The following MEI1 variants were observed in gnomAD, a reference collection of about 807,000 sequenced individuals.
MEI1 encodes meiosis inhibitor protein 1.
MEI1 carries 103 observed loss-of-function variants against 146.2 expected under a neutral mutation model. That is an observed-to-expected ratio of 0.70 (90% confidence interval 0.60 to 0.83). The LOEUF is 0.83. MEI1 is among the 40% of genes least tolerant of loss of function. The pLI is 0.00. For missense variants in MEI1, 1,529 were observed against 1,533.0 expected, an observed-to-expected ratio of 1.00 and a Z score of 0.04; for synonymous variants, 652 against 628.2, an observed-to-expected ratio of 1.04 and a Z score of -0.57.
intron 11 of MEI1, among the ~76,000 whole-genome samples, chr22:41,741,609 A>G (rs2072873962): frequency 6.6e-6 from 1 of 152,244 alleles, no homozygotes; most frequent in Non-Finnish European, 1.5e-5. Flanking sequence ...CTCTGCGTAT[A>G]GTCTCATAGA....
Position 41,745,042 on chromosome 22 carries a change from G to T in MEI1, c.1516G>T (p.Glu506Ter). ...QRGKFLLSTL[E>*]GFRSACRLAI... Reference sequence around the variant, plus strand: ...GGGAAAGTTCCTCCTCAGCACTCTGGAGGGATTTAGAAGTGCCTGCAGGTG... The same window carrying T: ...GGGAAAGTTCCTCCTCAGCACTCTGTAGGGATTTAGAAGTGCCTGCAGGTG... Residue 506 changes from glutamate (E) to a stop codon, truncating the protein, a stop_gained, in exon 13 of 31, where the codon GAG becomes TAG. Transcript: ENST00000401548. LOFTEE classifies it high-confidence loss of function. 6.4e-7 allele frequency: 1 copy of T among 1,560,404 alleles called. No homozygotes were observed. The highest frequency in any genetic ancestry group is 8.7e-7 in the Non-Finnish European group (1 of 1,151,590).
Position 41,745,986 on chromosome 22 carries a change from T to C in MEI1, c.1640T>C (p.Leu547Pro), listed in dbSNP as rs1243418915. The C allele has an allele frequency of 6.2e-7, 1 of 1,612,146 alleles. No individual in the cohort carries two copies. The highest frequency in any genetic ancestry group is 8.5e-7 in the Non-Finnish European group (1 of 1,179,070). Reference protein sequence around the residue: ...EDTLEAFSEFLLSACDSLCIP... With the variant: ...EDTLEAFSEFPLSACDSLCIP... Reference sequence around the variant, plus strand: ...ACCTTGGAGGCCTTCTCAGAATTTCTTCTCAGTGCCTGTGACTCGCTGTGT... The same window carrying C: ...ACCTTGGAGGCCTTCTCAGAATTTCCTCTCAGTGCCTGTGACTCGCTGTGT... The change falls in exon 14 of 31, where the codon CTT (leucine) becomes CCT (proline). Residue 547 changes from leucine (L) to proline (P), a missense_variant. By Grantham distance (98) the Leu-to-Pro change is moderately conservative. Transcript: ENST00000401548.
In MEI1 at chr22:41,795,143, A is replaced by G. The variant is rs2076316957; in HGVS notation, c.3535-268A>G. On this transcript the variant is annotated intron_variant, in intron 28 of 30. Coordinates refer to ENST00000401548, the MANE Select transcript of MEI1 (RefSeq NM_152513.4). This position sits in a 1 kb window ranked among gnomAD's most constrained non-coding sequence, Gnocchi z 4.2. ...GAGCCACACGTAGTTCATTTTGGCC[A>G]TGAGTGTTCAGTGCAAGGTTGGGTA... Among the ~76,000 whole-genome samples, 1 of 152,184 alleles carries G rather than the reference A, an allele frequency of 6.6e-6. No individual in the cohort carries two copies. The highest frequency in any genetic ancestry group is 1.5e-5 in the Non-Finnish European group (1 of 68,034).
At chr22:41,782,304 G>T (rs2075790312) in intron 24 of MEI1, among the ~76,000 whole-genome samples, 1 of 152,206 alleles carries the variant, frequency 6.6e-6, no homozygotes, top group Non-Finnish European at 1.5e-5. Flanking sequence ...GGTGGGGAAT[G>T]AATGGAGCAG....
At chr22:41,761,587 T>TA in intron 18 of MEI1, among the ~76,000 whole-genome samples, 1 of 152,188 alleles carries the variant, frequency 6.6e-6, no homozygotes, top group Admixed American at 6.5e-5. Context: ...GTGCTGGGAT[T>TA]ACAGGCGTGA....
At chr22:41,763,973 G>A (rs1479601429) in intron 19 of MEI1, among the ~76,000 whole-genome samples, 3 of 127,878 alleles carry the variant, frequency 2.3e-5, no homozygotes, top group African/African-American at 9.2e-5. Context: ...TTGAGACGGA[G>A]TCTCGCTCTG....
chr22:41,774,779 C>T (rs1226640813), intron 20 of MEI1, among the ~76,000 whole-genome samples: 2 of 152,188 alleles, frequency 1.3e-5, no homozygotes, highest in South Asian at 4.1e-4. Context: ...TATACAGCTA[C>T]TGTATAAACA....
At chr22:41,715,947 A>G (rs1601695429) in intron 4 of MEI1, 94 bp from the exon 5 acceptor site, 3 of 863,422 alleles carry the variant, frequency 3.5e-6, no homozygotes, top group Non-Finnish European at 3.6e-6. Context: ...GACACATGCA[A>G]TACAGGCATT....
intron 15 of MEI1, among the ~76,000 whole-genome samples, chr22:41,751,047 A>G (rs2073715601): frequency 6.6e-6 from 1 of 152,044 alleles, no homozygotes; most frequent in Non-Finnish European, 1.5e-5. Context: ...GCATGAAGCC[A>G]GGTAGCACAG....
intron 26 of MEI1, 131 bp downstream of exon 26, chr22:41,784,914 T>C (rs1173810882): frequency 6.9e-6 from 3 of 435,124 alleles, no homozygotes; most frequent in Non-Finnish European, 1.1e-5. Context: ...AAATTATTTC[T>C]ATTATTTTTA....
At chr22:41,765,883 C>CT (rs1013045266) in intron 19 of MEI1, among the ~76,000 whole-genome samples, 6,385 of 86,134 alleles carry the variant, frequency 0.074, 408 homozygotes, top group African/African-American at 0.13. Flanking sequence ...CCAAAATGTT[C>CT]TTTTTTTTTT....
At chr22:41,742,995 C>T (rs2073006005) in intron 11 of MEI1, 85 bp from the exon 12 acceptor site, 2 of 878,454 alleles carry the variant, frequency 2.3e-6, no homozygotes, top group Non-Finnish European at 3.7e-6. Flanking sequence ...TCCAACTGCA[C>T]TGCCTCTCAT....
chr22:41,725,876 C>T (rs181285711), intron 7 of MEI1, among the ~76,000 whole-genome samples: 1 of 152,278 alleles, frequency 6.6e-6, no homozygotes, highest in East Asian at 1.9e-4. Flanking sequence ...CCCCAGTGCT[C>T]GGCACGGGGG....
rs757597232 is a variant in MEI1, at chr22:41,799,342, C to G, written c.*43C>G. Reference sequence around the variant, plus strand: ...CCCAGAAGTGGAGAGAGAATGAGACCTGGAGACAAAGGGCATAATTGTTGG... The same window carrying G: ...CCCAGAAGTGGAGAGAGAATGAGACGTGGAGACAAAGGGCATAATTGTTGG... On this transcript the variant is annotated 3_prime_UTR_variant, in exon 31 of 31. Transcript: ENST00000401548. 2 of 1,590,634 alleles carry G rather than the reference C, an allele frequency of 1.3e-6. No homozygotes were observed. Among genetic ancestry groups the G allele is most frequent in the Middle Eastern group, 1.7e-4 (1 of 6,014 alleles).
rs758519032 is a variant in MEI1 at position 41,716,543 on chromosome 22, ATT to A, written c.529+400_529+401del. Among the ~76,000 whole-genome samples, 13 of 148,538 alleles carry A rather than the reference ATT, an allele frequency of 8.8e-5. No individual in the cohort carries two copies. The East Asian group carries it at 2.6e-3, about 29-fold the overall frequency. On this transcript the variant is annotated intron_variant, in intron 5 of 30. Transcript: ENST00000401548. ...AGGCATGTGCCACCACGCTGGACTA[ATT>A]TTGTATTTTTGGTAGAGACGGGGTT...
chr22:41,709,341 T>C, intron 3 of MEI1: 3 of 759,362 alleles, frequency 4.0e-6, no homozygotes, highest in Non-Finnish European at 7.1e-6. Flanking sequence ...TTGGGTACCT[T>C]CTCTTCTTTG....
At position 41,744,964 on chromosome 22, in the gene MEI1, C is replaced by T. The variant is rs1305954255; in HGVS notation, c.1447-9C>T. On this transcript the variant is annotated splice_polypyrimidine_tract_variant and intron_variant, in intron 12 of 30. Coordinates refer to ENST00000401548, the MANE Select transcript of MEI1 (RefSeq NM_152513.4). The stretch of plus-strand genomic sequence containing the variant: ...ATCACTAGGTTCCTGTCTCTCCTTC[C>T]CACCTCAGGGCCATGCCTCCAGTAG... 6.6e-7 allele frequency: 1 copy of T among 1,526,360 alleles called. No homozygotes were observed. Among genetic ancestry groups the T allele is most frequent in the South Asian group, 1.3e-5 (1 of 79,420 alleles). 94.6% of individuals were successfully genotyped at this position (1,526,360 alleles called of 1,614,324 possible).
At chr22:41,798,817 G>C (rs1192080947) in intron 30 of MEI1, among the ~76,000 whole-genome samples, 1 of 150,946 alleles carries the variant, frequency 6.6e-6, no homozygotes, top group Non-Finnish European at 1.5e-5. Flanking sequence ...GCAGTGACCA[G>C]AGAGCCGAGA....
At chr22:41,715,482 G>C (rs531387976) in intron 4 of MEI1, among the ~76,000 whole-genome samples, 1 of 150,322 alleles carries the variant, frequency 6.7e-6, no homozygotes, top group Non-Finnish European at 1.5e-5. Flanking sequence ...TGCAAGCTCC[G>C]CCTCCCGGGT....
Sources: allele counts gnomAD v4.1 joint callset (sites outside exome capture counted in the v4.1 genomes callset), GRCh38; gene constraint gnomAD v4.1.1; non-coding constraint Gnocchi (gnomAD v3.1); transcripts MANE v1.5; gene names NCBI Gene and HGNC (gene_info 2026-07-23, HGNC 2026-07-21).